ATG7: variants seen among roughly 807,000 people sequenced by gnomAD.
ATG7 encodes the protein ubiquitin-like modifier-activating enzyme ATG7.
In ATG7, 70 loss-of-function variants were observed where a neutral mutation model predicts 82.4. That is an observed-to-expected ratio of 0.85 (90% CI 0.70 to 1.04). The LOEUF (loss-of-function observed/expected upper bound fraction) is 1.04. Among genes scored for constraint, ATG7 ranks in the 50% least tolerant of loss-of-function variants. The pLI is 0.00. For missense variants in ATG7, 792 were observed against 864.3 expected (o/e 0.92, Z 1.05); for synonymous variants, 287 against 313.0 (o/e 0.92, Z 0.88).
intron 18 of ATG7, among the ~76,000 whole-genome samples, chr3:11,366,165 G>A (rs2076591062): frequency 1.4e-5 from 2 of 147,884 alleles, no homozygotes; most frequent in South Asian, 4.2e-4. Flanking sequence ...GTTGCAGTGA[G>A]CTAAGATCGC....
At chr3:11,399,044 G>T (rs2079561368) in intron 19 of ATG7, among the ~76,000 whole-genome samples, 1 of 152,114 alleles carries the variant, frequency 6.6e-6, no homozygotes, top group East Asian at 1.9e-4. Context: ...TCTTAGCATT[G>T]AATTTTTAAA....
intron 5 of ATG7, 100 bp from the exon 6 acceptor site, chr3:11,306,843 A>C: frequency 1.2e-6 from 1 of 830,212 alleles, no homozygotes; most frequent in Non-Finnish European, 2.0e-6. Context: ...TTTGCCCTGC[A>C]GAGCAATACC....
intron 19 of ATG7, among the ~76,000 whole-genome samples, chr3:11,392,013 T>G (rs184858524): frequency 6.6e-6 from 1 of 152,144 alleles, no homozygotes; most frequent in Admixed American, 6.5e-5. Context: ...CTTAATTGGT[T>G]AGGCTCCTTC....
the ATG7 span, among the ~76,000 whole-genome samples, chr3:11,573,481 G>T: frequency 6.6e-6 from 1 of 152,170 alleles, no homozygotes; most frequent in African/African-American, 2.4e-5. Flanking sequence ...GTCAGTATTT[G>T]CAGGTCATCC....
chr3:11,311,313 G>A (rs1170572602), intron 7 of ATG7, among the ~76,000 whole-genome samples: 5 of 152,156 alleles, frequency 3.3e-5, no homozygotes, highest in South Asian at 2.1e-4. Context: ...CTTAGAATTC[G>A]TGAGGTCCGG....
chr3:11,362,110 A>G (rs756939089), intron 16 of ATG7, among the ~76,000 whole-genome samples: 6 of 152,214 alleles, frequency 3.9e-5, no homozygotes, highest in South Asian at 2.1e-4. Flanking sequence ...AACAAATACG[A>G]TTAGTGGTCC....
At chr3:11,375,623 G>A (rs1315246908) in intron 18 of ATG7, among the ~76,000 whole-genome samples, 3 of 152,136 alleles carry the variant, frequency 2.0e-5, no homozygotes, top group Admixed American at 1.3e-4. Flanking sequence ...GCAGTGGCAC[G>A]ATCGCAGCTC....
intron 20 of ATG7, among the ~76,000 whole-genome samples, chr3:11,454,179 A>T (rs2085471936): frequency 6.6e-6 from 1 of 151,928 alleles, no homozygotes; most frequent in African/African-American, 2.4e-5. Flanking sequence ...AGGAAAATGT[A>T]CTCTAATGGG....
chr3:11,338,189 T>C (rs1037168435), intron 11 of ATG7, among the ~76,000 whole-genome samples: 6 of 152,202 alleles, frequency 3.9e-5, no homozygotes, highest in Non-Finnish European at 8.8e-5. Flanking sequence ...CTCCTACTTA[T>C]AACTGAGAAC....
At chr3:11,287,955 G>A (rs1575170520) in intron 3 of ATG7, among the ~76,000 whole-genome samples, 1 of 152,254 alleles carries the variant, frequency 6.6e-6, no homozygotes, top group South Asian at 2.1e-4. Context: ...TGTGGATCAA[G>A]TCCTGCCCGA....
At chr3:11,481,009 T>A (rs1285851447) in intron 20 of ATG7, among the ~76,000 whole-genome samples, 1 of 152,256 alleles carries the variant, frequency 6.6e-6, no homozygotes, top group Non-Finnish European at 1.5e-5. Flanking sequence ...AGGCAAGGGA[T>A]ACTATTAGTC....
chr3:11,458,270 T>C (rs1409140630), intron 20 of ATG7, among the ~76,000 whole-genome samples: 2 of 152,066 alleles, frequency 1.3e-5, no homozygotes, highest in East Asian at 3.9e-4. Context: ...GGTTTTTTTG[T>C]TTTGTTTTGT....
At chr3:11,337,808 A>T (rs1952784944) in intron 11 of ATG7, among the ~76,000 whole-genome samples, 1 of 152,068 alleles carries the variant, frequency 6.6e-6, no homozygotes, top group African/African-American at 2.4e-5. Flanking sequence ...TTTTGAGTAT[A>T]GAGAACTTTT....
intron 20 of ATG7, among the ~76,000 whole-genome samples, chr3:11,476,102 C>T (rs1388679848): frequency 6.6e-6 from 1 of 152,184 alleles, no homozygotes; most frequent in African/African-American, 2.4e-5. Context: ...AGAAACCACA[C>T]TGCAAAGGGT....
chr3:11,281,151 T>G (rs1443429636), intron 2 of ATG7, 49 bp downstream of exon 2: 1 of 152,202 alleles, frequency 6.6e-6, no homozygotes, highest in Non-Finnish European at 1.5e-5. Flanking sequence ...GAAACCATAT[T>G]GGCCTCTTGT....
At chr3:11,312,626 T>C (rs1948843358) in intron 7 of ATG7, among the ~76,000 whole-genome samples, 1 of 152,240 alleles carries the variant, frequency 6.6e-6, no homozygotes, top group South Asian at 2.1e-4. Flanking sequence ...TTATTGTCAG[T>C]GTCTTATGTT....
chr3:11,290,719 T>G (rs1944838224), intron 3 of ATG7: 1 of 201,764 alleles, frequency 5.0e-6, no homozygotes, highest in African/African-American at 2.4e-5. Context: ...AGTTTCACCC[T>G]TGTCGCCCAG....
chr3:11,338,132 C>T (rs938013478), intron 11 of ATG7, among the ~76,000 whole-genome samples: 2 of 152,106 alleles, frequency 1.3e-5, no homozygotes, highest in African/African-American at 4.8e-5. Context: ...CAAGTAGGCC[C>T]CAGTGTCTGC....
rs10706461 is a variant in ATG7 at position 11,459,498 on chromosome 3, GTT to G, written c.2079+32584_2079+32585del. Among the ~76,000 whole-genome samples the G allele has an allele frequency of 7.2e-3, 1,066 of 147,692 alleles. 7 individuals carry two copies. The highest frequency in any genetic ancestry group is 0.017 in the Middle Eastern group (5 of 288). ...ATGAGAATAAAAACAGGAGCCAAGTGTTTTTTTTTTTTTAAGTGATTATGTTA... is the reference window on the plus strand; with the variant it reads ...ATGAGAATAAAAACAGGAGCCAAGTGTTTTTTTTTTTAAGTGATTATGTTA... On this transcript the variant is annotated intron_variant, in intron 20 of 20. Coordinates refer to ENST00000693202, the MANE Select transcript of ATG7 (RefSeq NM_001349232.2).
Sources: allele counts gnomAD v4.1 joint callset (sites outside exome capture counted in the v4.1 genomes callset), GRCh38; gene constraint gnomAD v4.1.1; transcripts MANE v1.5; gene names NCBI Gene and HGNC (gene_info 2026-07-23, HGNC 2026-07-21).